CCDC192: variants seen among roughly 807,000 people sequenced by gnomAD.
The protein encoded by CCDC192 is coiled-coil domain-containing protein 192.
intron 5 of CCDC192, among the ~76,000 whole-genome samples, chr5:127,847,110 C>T (rs538371791): frequency 6.6e-6 from 1 of 152,240 alleles, no homozygotes; most frequent in South Asian, 2.1e-4. Flanking sequence ...CATGGTGCTA[C>T]CTTTAAGAGT....
intron 5 of CCDC192, among the ~76,000 whole-genome samples, chr5:127,861,826 TCA>T (rs1458804863): frequency 6.6e-6 from 1 of 152,222 alleles, no homozygotes; most frequent in Non-Finnish European, 1.5e-5. Context: ...GGCACTTGCC[TCA>T]GATTACTCTG....
intron 2 of CCDC192, among the ~76,000 whole-genome samples, chr5:127,714,760 T>C (rs932044151): frequency 2.6e-5 from 4 of 152,154 alleles, no homozygotes; most frequent in African/African-American, 9.7e-5. Flanking sequence ...TATATAAGGA[T>C]CTCCCATTCT....
intron 5 of CCDC192, among the ~76,000 whole-genome samples, chr5:127,816,436 T>G (rs552799377): frequency 1.3e-5 from 2 of 152,292 alleles, no homozygotes; most frequent in African/African-American, 4.8e-5. Flanking sequence ...TGTTCTTGTT[T>G]TACAGAAATA....
At chr5:127,829,175 G>A (rs1407292530) in intron 5 of CCDC192, among the ~76,000 whole-genome samples, 4 of 152,192 alleles carry the variant, frequency 2.6e-5, no homozygotes, top group Non-Finnish European at 5.9e-5. Flanking sequence ...CTGTTGAGGA[G>A]CAGGCTGGGG....
rs1561495799 is a variant in CCDC192, at chr5:127,800,398, A to AC, written c.411+2236_411+2237insC. Among the ~76,000 whole-genome samples the AC allele has an allele frequency of 1.8e-4, 25 of 138,648 alleles. 1 individual carries two copies. The highest frequency in any genetic ancestry group is 6.0e-4 in the African/African-American group (23 of 38,602). 91.0% of individuals were successfully genotyped at this position (138,648 alleles called of 152,430 possible). ...TCTGAAAAAAAAAAAAAAAAAAAAA[A>AC]AAACAACAACAACAAAAAGTAGGAA... On this transcript the variant is annotated intron_variant, in intron 5 of 6. Transcript: ENST00000514853.
At chr5:127,933,263 G>A (rs1341972512) in intron 6 of CCDC192, among the ~76,000 whole-genome samples, 4 of 152,222 alleles carry the variant, frequency 2.6e-5, no homozygotes, top group Non-Finnish European at 5.9e-5. Context: ...GATTGTAGGC[G>A]AGAGTGTCAA....
At chr5:127,833,948 A>G (rs956767574) in intron 5 of CCDC192, among the ~76,000 whole-genome samples, 2 of 152,180 alleles carry the variant, frequency 1.3e-5, no homozygotes, top group Non-Finnish European at 2.9e-5. Flanking sequence ...TGGAAATCAT[A>G]ATGATGAAAG....
At chr5:127,811,559 TTTTA>T (rs1482365101) in intron 5 of CCDC192, among the ~76,000 whole-genome samples, 1 of 152,158 alleles carries the variant, frequency 6.6e-6, no homozygotes, top group African/African-American at 2.4e-5. Context: ...TGTGATATAT[TTTTA>T]TTTATTTTGT....
chr5:127,830,034 T>C (rs1749713907), intron 5 of CCDC192, among the ~76,000 whole-genome samples: 1 of 152,220 alleles, frequency 6.6e-6, no homozygotes, highest in Admixed American at 6.5e-5. Flanking sequence ...CATTCTAAAT[T>C]TATTTTCTAA....
intron 5 of CCDC192, among the ~76,000 whole-genome samples, chr5:127,841,915 A>G (rs1750307741): frequency 6.6e-6 from 1 of 152,216 alleles, no homozygotes; most frequent in Admixed American, 6.5e-5. Context: ...TGAAAAATCC[A>G]CTGAGCAAGT....
In CCDC192 at chr5:127,941,352, G is replaced by A. The variant is rs906158200; in HGVS notation, c.706G>A (p.Ala236Thr). 5.0e-6 allele frequency: 2 copies of A among 398,996 alleles called. No homozygotes were observed. The highest frequency in any genetic ancestry group is 4.1e-5 in the African/African-American group (2 of 48,650). 24.7% of individuals were successfully genotyped at this position (398,996 alleles called of 1,614,324 possible). Residue 236 changes from alanine (A) to threonine (T), a missense_variant, in exon 7 of 7, where the codon GCT (alanine) becomes ACT (threonine). Ala to Thr is a moderately conservative substitution (Grantham distance 58, BLOSUM62 0). Coordinates refer to ENST00000514853, the MANE Select transcript of CCDC192 (RefSeq NM_001317938.2). ...GGAAAGGAAGATTCAGCAGCTGGAAGCTGAGCGGAGTCCCCATCCTCCCCA... is the reference window on the plus strand; with the variant it reads ...GGAAAGGAAGATTCAGCAGCTGGAAACTGAGCGGAGTCCCCATCCTCCCCA... ...EKERKIQQLE[A>T]ERSPHPPQEV...
At chr5:127,937,734 A>G (rs1754225488) in intron 6 of CCDC192, among the ~76,000 whole-genome samples, 1 of 152,184 alleles carries the variant, frequency 6.6e-6, no homozygotes, top group Non-Finnish European at 1.5e-5. Flanking sequence ...GGTCCTAGTG[A>G]CCGTGACTGC....
intron 5 of CCDC192, among the ~76,000 whole-genome samples, chr5:127,816,795 A>G (rs2127011211): frequency 6.6e-6 from 1 of 152,318 alleles, no homozygotes; most frequent in South Asian, 2.1e-4. Flanking sequence ...TGGGGAAATA[A>G]CCAAGCTTAG....
chr5:127,885,361 G>T (rs1374465329), intron 6 of CCDC192, among the ~76,000 whole-genome samples: 1 of 152,188 alleles, frequency 6.6e-6, no homozygotes, highest in South Asian at 2.1e-4. Context: ...AACAGTCTTG[G>T]GCACTCCTTT....
intron 2 of CCDC192, 70 bp from the exon 3 acceptor site, chr5:127,754,198 A>G: frequency 5.0e-6 from 2 of 396,800 alleles, no homozygotes; most frequent in Non-Finnish European, 8.9e-6. Flanking sequence ...TATCAAGTCC[A>G]TAAGATTGTT....
At chr5:127,794,151 T>A (rs917577891) in intron 3 of CCDC192, among the ~76,000 whole-genome samples, 2 of 152,192 alleles carry the variant, frequency 1.3e-5, no homozygotes, top group Middle Eastern at 3.2e-3. Context: ...CATCTCCTTA[T>A]ACGATAACTG....
intron 6 of CCDC192, among the ~76,000 whole-genome samples, chr5:127,925,876 C>A (rs1164798745): frequency 6.6e-6 from 1 of 152,144 alleles, no homozygotes; most frequent in Non-Finnish European, 1.5e-5. Flanking sequence ...CACTACAAAG[C>A]CCATTTGTAT....
rs533845114 is a variant in CCDC192, at chr5:127,733,781, C to G, written c.115-20487C>G. 2.6e-5 allele frequency among the ~76,000 whole-genome samples: 4 copies of G among 151,736 alleles called. No individual in the cohort carries two copies. The South Asian group carries it at 8.3e-4, about 32-fold the overall frequency. On this transcript the variant is annotated intron_variant, in intron 2 of 6. Transcript: ENST00000514853. ...CTGAAAACAGAATGACCCTGTCCAC[C>G]AAGCCAGATTCCACGCTGTTTGGCA...
chr5:127,916,040 G>A (rs527571834), intron 6 of CCDC192, among the ~76,000 whole-genome samples: 1 of 152,274 alleles, frequency 6.6e-6, no homozygotes, highest in Admixed American at 6.5e-5. Context: ...CAAAATTGAA[G>A]TCGGTCCTCT....
Sources: gnomAD v4.1 joint callset for allele counts (sites outside exome capture counted in the v4.1 genomes callset) on GRCh38, gnomAD v4.1.1 for gene constraint, MANE v1.5 for transcripts, NCBI Gene and HGNC (gene_info 2026-07-23, HGNC 2026-07-21) for gene names.